The following NRG3 variants were observed in gnomAD, a reference collection of about 807,000 sequenced individuals.
NRG3 encodes pro-neuregulin-3, membrane-bound isoform.
In NRG3, 31 loss-of-function variants were observed where a neutral mutation model predicts 66.9. The ratio of observed to expected loss-of-function variants is 0.46; its 90% CI spans 0.35 to 0.63. The LOEUF (loss-of-function observed/expected upper bound fraction) is 0.63, where lower values mean the gene tolerates loss of function less well. Among genes scored for constraint, NRG3 ranks in the 20% least tolerant of loss-of-function variants. The pLI, the probability that NRG3 is intolerant of heterozygous loss-of-function variation, is 0.00. For missense variants in NRG3, 910 were observed against 878.9 expected, an observed-to-expected ratio of 1.04 and a Z score of -0.45; for synonymous variants, 393 against 359.4, an observed-to-expected ratio of 1.09 and a Z score of -1.06.
rs3075657 is a variant in NRG3, at chr10:82,924,086, C to CAA, written c.1055-27361_1055-27360dup. On this transcript the variant is annotated intron_variant, in intron 4 of 8. Coordinates refer to ENST00000372141, the MANE Select transcript of NRG3 (RefSeq NM_001010848.4). ...CCTGGGCAACATAGCGAGACTGTCT[C>CAA]AAAAAAAAAAAAAAAAAAAAAAAGG... 2.0e-3 allele frequency among the ~76,000 whole-genome samples: 135 copies of CAA among 68,372 alleles called. 1 individual carries two copies. The highest frequency in any genetic ancestry group is 2.5e-3 in the African/African-American group (47 of 18,608). The allele number at this position is 68,372 out of a possible 152,430, so 44.9% of individuals were successfully genotyped here.
intron 2 of NRG3, among the ~76,000 whole-genome samples, chr10:82,641,879 G>A (rs1042185513): frequency 6.6e-6 from 1 of 152,110 alleles, no homozygotes; most frequent in Non-Finnish European, 1.5e-5. Context: ...GTGTAATTTT[G>A]TTACATGGAT....
At chr10:82,362,566 T>TTTTTTTTTTTTTTTTTG in intron 2 of NRG3, among the ~76,000 whole-genome samples, 1 of 147,986 alleles carries the variant, frequency 6.8e-6, no homozygotes, top group Admixed American at 6.8e-5. Flanking sequence ...TTTTTTTTTT[T>TTTTTTTTTTTTTTTTTG]TTTCGTAGAA....
chr10:82,203,944 T>C (rs2074982880), intron 1 of NRG3, among the ~76,000 whole-genome samples: 1 of 152,194 alleles, frequency 6.6e-6, no homozygotes, highest in Non-Finnish European at 1.5e-5. Flanking sequence ...TATGACTTTT[T>C]TTTGGTTCTT....
At chr10:82,554,377 T>G (rs1316404170) in intron 2 of NRG3, among the ~76,000 whole-genome samples, 1 of 152,182 alleles carries the variant, frequency 6.6e-6, no homozygotes, top group Non-Finnish European at 1.5e-5. Flanking sequence ...TATCAAAACA[T>G]CACACTGTAC....
Position 82,385,643 on chromosome 10 carries a change from A to G in NRG3, c.953+26775A>G, listed in dbSNP as rs181453414. ...GGAGGGCAATATTTTATAGGTAAGT[A>G]TGCGAGAGTATATGAAATTGGGGAT... On this transcript the variant is annotated intron_variant, in intron 2 of 8. Coordinates refer to ENST00000372141, the MANE Select transcript of NRG3 (RefSeq NM_001010848.4). Among the ~76,000 whole-genome samples, 395 of 152,284 alleles carry G rather than the reference A, an allele frequency of 2.6e-3. 3 individuals carry two copies. The highest frequency in any genetic ancestry group is 8.6e-3 in the African/African-American group (359 of 41,580).
chr10:82,406,945 C>T (rs1488467695), intron 2 of NRG3, among the ~76,000 whole-genome samples: 1 of 152,034 alleles, frequency 6.6e-6, no homozygotes, highest in African/African-American at 2.4e-5. Context: ...ATCTTCTTAT[C>T]ATCATTACTA....
At chr10:82,540,257 A>G (rs1443634077) in intron 2 of NRG3, among the ~76,000 whole-genome samples, 1 of 151,486 alleles carries the variant, frequency 6.6e-6, no homozygotes, top group Non-Finnish European at 1.5e-5. Flanking sequence ...TTGTCCCAAT[A>G]TGCTTTAGAA....
At chr10:81,943,123 C>T (rs901837779) in intron 1 of NRG3, among the ~76,000 whole-genome samples, 4 of 152,092 alleles carry the variant, frequency 2.6e-5, no homozygotes, top group African/African-American at 4.8e-5. Flanking sequence ...CATGGTGGCT[C>T]ATGCCTGTAA....
At chr10:82,847,769 G>A (rs1196845316) in intron 3 of NRG3, among the ~76,000 whole-genome samples, 3 of 152,192 alleles carry the variant, frequency 2.0e-5, no homozygotes, top group Non-Finnish European at 4.4e-5. Context: ...GTCCAGGGTT[G>A]TATCAGTAGA....
At chr10:82,426,042 G>T (rs1024111928) in intron 2 of NRG3, among the ~76,000 whole-genome samples, 1 of 152,260 alleles carries the variant, frequency 6.6e-6, no homozygotes, top group East Asian at 1.9e-4. Context: ...AACGGGTTTT[G>T]CTAGAGTCTA....
At chr10:82,913,526 AT>A (rs1007226484) in intron 4 of NRG3, among the ~76,000 whole-genome samples, 11 of 152,274 alleles carry the variant, frequency 7.2e-5, no homozygotes, top group African/African-American at 2.6e-4. Context: ...CTGAGAAGGA[AT>A]TTCTCCTTTA....
At chr10:81,910,691 A>T (rs1269615266) in intron 1 of NRG3, among the ~76,000 whole-genome samples, 2 of 152,140 alleles carry the variant, frequency 1.3e-5, no homozygotes, top group African/African-American at 4.8e-5. Context: ...TCTCTTATGC[A>T]GGCTGGAGTG....
chr10:82,759,354 T>C (rs1293174093), intron 3 of NRG3, among the ~76,000 whole-genome samples: 1 of 152,016 alleles, frequency 6.6e-6, no homozygotes, highest in Non-Finnish European at 1.5e-5. Flanking sequence ...CAAATAAACC[T>C]CTTTTGTTTG....
chr10:82,735,905 C>A (rs1047869762), intron 2 of NRG3, among the ~76,000 whole-genome samples: 1 of 143,252 alleles, frequency 7.0e-6, no homozygotes, highest in African/African-American at 2.6e-5. Context: ...ACATGTATCC[C>A]AGAACTTAAA....
At chr10:82,015,386 C>G (rs1030215250) in intron 1 of NRG3, among the ~76,000 whole-genome samples, 7 of 152,262 alleles carry the variant, frequency 4.6e-5, no homozygotes, top group African/African-American at 1.7e-4. Context: ...ATACTGTTTG[C>G]AATCAAAGTT....
chr10:82,244,676 C>G (rs1201356811), intron 1 of NRG3, among the ~76,000 whole-genome samples: 1 of 151,654 alleles, frequency 6.6e-6, no homozygotes, highest in Non-Finnish European at 1.5e-5. Context: ...TTTTCACAGG[C>G]CAGGGGGTAC....
chr10:82,126,526 G>A (rs186940471), intron 1 of NRG3, among the ~76,000 whole-genome samples: 41 of 152,158 alleles, frequency 2.7e-4, no homozygotes, highest in Admixed American at 5.9e-4. Context: ...CAGATAGTAT[G>A]CAGAGATTTA....
chr10:82,823,243 G>A (rs1443596733), intron 3 of NRG3, among the ~76,000 whole-genome samples: 1 of 152,170 alleles, frequency 6.6e-6, no homozygotes, highest in Non-Finnish European at 1.5e-5. Flanking sequence ...ACTAGTAGGT[G>A]TGGGGATGTA....
intron 5 of NRG3, among the ~76,000 whole-genome samples, chr10:82,954,198 T>TTAACAATAACCAAACCAAA (rs1208302085): frequency 6.6e-6 from 1 of 151,918 alleles, no homozygotes; most frequent in Non-Finnish European, 1.5e-5. Flanking sequence ...AATTCCTTAC[T>TTAACAATAACCAAACCAAA]TAACAATAAC....
Sources: gnomAD v4.1 joint callset for allele counts (sites outside exome capture counted in the v4.1 genomes callset) on GRCh38, gnomAD v4.1.1 for gene constraint, MANE v1.5 for transcripts, NCBI Gene and HGNC (gene_info 2026-07-23, HGNC 2026-07-21) for gene names.